The following TFPI variants were observed in gnomAD, a reference collection of about 807,000 sequenced individuals.
TFPI encodes the protein tissue factor pathway inhibitor.
Under a neutral mutation model 34.6 loss-of-function variants are expected in TFPI, and 15 were observed. The observed-to-expected ratio is 0.43, with a 90% CI of 0.29 to 0.67. TFPI has a LOEUF of 0.67. Ranked by LOEUF, TFPI falls within the 30% of genes least tolerant of loss-of-function variation. The pLI, the probability that TFPI is intolerant of heterozygous loss-of-function variation, is 0.15. For synonymous variants in TFPI, 105 were observed against 120.1 expected (o/e 0.87, Z 0.82); for missense variants, 301 against 364.0 (o/e 0.83, Z 1.41).
intron 6 of TFPI, among the ~76,000 whole-genome samples, chr2:187,472,167 A>T (rs1692077668): frequency 6.6e-6 from 1 of 152,128 alleles, no homozygotes; most frequent in African/African-American, 2.4e-5. Flanking sequence ...GTATTAATAT[A>T]ATATTCTATA....
intron 6 of TFPI, among the ~76,000 whole-genome samples, chr2:187,482,817 G>T (rs1475140178): frequency 6.6e-6 from 1 of 151,912 alleles, no homozygotes; most frequent in African/African-American, 2.4e-5. Flanking sequence ...TCTGGGGAGG[G>T]TGTGAAATAG....
At chr2:187,487,640 A>G (rs988214981) in intron 4 of TFPI, among the ~76,000 whole-genome samples, 1 of 151,422 alleles carries the variant, frequency 6.6e-6, no homozygotes, top group African/African-American at 2.4e-5. Context: ...GCCTTTATTA[A>G]AAGGACGTTG....
chr2:187,504,443 G>A (rs1333071993), intron 1 of TFPI, among the ~76,000 whole-genome samples: 1 of 151,102 alleles, frequency 6.6e-6, no homozygotes, highest in African/African-American at 2.4e-5. Flanking sequence ...GATTCAAAAA[G>A]TTTCACAGAA....
At chr2:187,498,737 G>A (rs1685652246) in intron 2 of TFPI, among the ~76,000 whole-genome samples, 1 of 151,774 alleles carries the variant, frequency 6.6e-6, no homozygotes, top group South Asian at 2.1e-4. Context: ...TGAGCTGACA[G>A]AACTGATAGA....
intron 6 of TFPI, among the ~76,000 whole-genome samples, chr2:187,474,492 C>T (rs919475055): frequency 3.3e-5 from 5 of 152,020 alleles, no homozygotes; most frequent in Non-Finnish European, 7.4e-5. Context: ...ATAATGCAGA[C>T]ATTAAAGAGC....
At chr2:187,528,874 A>T (rs78416415) in intron 1 of TFPI, among the ~76,000 whole-genome samples, 2 of 150,890 alleles carry the variant, frequency 1.3e-5, no homozygotes, top group African/African-American at 4.9e-5. Context: ...AAAAAAAAAA[A>T]TTAGTAAAAA....
chr2:187,491,465 T>G (rs1685119490), intron 3 of TFPI, among the ~76,000 whole-genome samples: 1 of 152,078 alleles, frequency 6.6e-6, no homozygotes, highest in Non-Finnish European at 1.5e-5. Context: ...TGTTTCTGAG[T>G]TATTTCACTT....
At chr2:187,483,961 A>C in intron 6 of TFPI, 163 bp downstream of exon 6, 1 of 611,660 alleles carries the variant, frequency 1.6e-6, no homozygotes. Context: ...TTATGAGATT[A>C]AATGTCTTAA....
intron 1 of TFPI, among the ~76,000 whole-genome samples, chr2:187,526,016 GTAT>G (rs1687658708): frequency 6.6e-6 from 1 of 151,986 alleles, no homozygotes; most frequent in African/African-American, 2.4e-5. Flanking sequence ...CTACTACATA[GTAT>G]TATGAGGATT....
chr2:187,483,389 A>G (rs189379176), intron 6 of TFPI, among the ~76,000 whole-genome samples: 38 of 152,134 alleles, frequency 2.5e-4, no homozygotes, highest in African/African-American at 9.1e-4. Flanking sequence ...TCTAAACAAA[A>G]TCTTCAATAT....
At chr2:187,486,512 A>T (rs961852327) in intron 4 of TFPI, among the ~76,000 whole-genome samples, 1 of 151,542 alleles carries the variant, frequency 6.6e-6, no homozygotes, top group Non-Finnish European at 1.5e-5. Context: ...TAAACAAACA[A>T]AACCACAACA....
Position 187,467,920 on chromosome 2 carries a change from G to A in TFPI, c.641C>T (p.Pro214Leu). The change falls in exon 7 of 8, where the codon CCC becomes CTC. Residue 214 changes from proline (P) to leucine (L), a missense_variant. By Grantham distance (98) the Pro-to-Leu change is moderately conservative. Coordinates refer to ENST00000233156, the MANE Select transcript of TFPI (RefSeq NM_006287.6). Reference sequence around the variant, plus strand: ...GTCTGCTGGAGTGAGACACCATGAGGGACCGTGAAATTCTAAAAACAATCA... The same window carrying A: ...GTCTGCTGGAGTGAGACACCATGAGAGACCGTGAAATTCTAAAAACAATCA... The part of the protein sequence containing the change: ...KVPSLFEFHG[P>L]SWCLTPADRG... 6.4e-7 allele frequency: 1 copy of A among 1,572,526 alleles called. No homozygotes were observed.
chr2:187,531,929 T>A (rs916357734), intron 1 of TFPI, among the ~76,000 whole-genome samples: 3 of 152,166 alleles, frequency 2.0e-5, no homozygotes, highest in African/African-American at 7.2e-5. Flanking sequence ...ATTTAAAATT[T>A]TTTTTTCAAA....
chr2:187,550,202 T>C (rs1689045851), intron 1 of TFPI, among the ~76,000 whole-genome samples: 2 of 152,216 alleles, frequency 1.3e-5, no homozygotes, highest in South Asian at 4.1e-4. Flanking sequence ...AGCTCAATAT[T>C]GATCTGTTGC....
At chr2:187,540,389 C>T (rs529393636) in intron 1 of TFPI, among the ~76,000 whole-genome samples, 12 of 152,042 alleles carry the variant, frequency 7.9e-5, no homozygotes, top group Non-Finnish European at 1.3e-4. Context: ...GGGATTAATG[C>T]TGTTAATAAT....
intron 6 of TFPI, among the ~76,000 whole-genome samples, chr2:187,470,204 G>GT (rs1466820245): frequency 6.6e-6 from 1 of 152,090 alleles, no homozygotes; most frequent in Non-Finnish European, 1.5e-5. Context: ...TCTGCCCACA[G>GT]TAAGTTGCAG....
At chr2:187,471,270 A>T (rs1053119095) in intron 6 of TFPI, among the ~76,000 whole-genome samples, 1 of 152,188 alleles carries the variant, frequency 6.6e-6, no homozygotes, top group African/African-American at 2.4e-5. Flanking sequence ...CATAAATGAC[A>T]GTAAAATTAA....
chr2:187,530,309 G>A (rs1687897633), intron 1 of TFPI, among the ~76,000 whole-genome samples: 1 of 152,122 alleles, frequency 6.6e-6, no homozygotes. Context: ...TTTGAAATTG[G>A]AGATCTTTTT....
Position 187,497,065 on chromosome 2 carries a change from T to C in TFPI, c.135A>G (p.Pro45=), listed in dbSNP as rs1685531414. The C allele has an allele frequency of 6.2e-7, 1 of 1,612,618 alleles. No individual in the cohort carries two copies. The highest frequency in any genetic ancestry group is 8.5e-7 in the Non-Finnish European group (1 of 1,179,268). Residue 45 remains proline (P), a synonymous_variant, in exon 3 of 8, where the codon CCA becomes CCG. Transcript: ENST00000233156. The part of the protein sequence containing the change: ...EHTIITDTEL[P]PLKLMHSFCA... Reference sequence around the variant, plus strand: ...AAAATGAATGCATAAGTTTCAGTGGTGGCAACTCCGTATCTATAAAGTAAA... The same window carrying C: ...AAAATGAATGCATAAGTTTCAGTGGCGGCAACTCCGTATCTATAAAGTAAA...
Sources: gnomAD v4.1 joint callset for allele counts (sites outside exome capture counted in the v4.1 genomes callset) on GRCh38, gnomAD v4.1.1 for gene constraint, MANE v1.5 for transcripts, NCBI Gene and HGNC (gene_info 2026-07-23, HGNC 2026-07-21) for gene names.